CCDC192: variants seen among roughly 807,000 people sequenced by gnomAD.
CCDC192 encodes coiled-coil domain containing 192.
At chr5:127,939,356 A>C (rs1754301763) in intron 6 of CCDC192, among the ~76,000 whole-genome samples, 1 of 151,986 alleles carries the variant, frequency 6.6e-6, no homozygotes, top group African/African-American at 2.4e-5. Flanking sequence ...ACCTCAAGTA[A>C]TCCACCTGCT....
At chr5:127,826,800 A>G (rs1373847231) in intron 5 of CCDC192, among the ~76,000 whole-genome samples, 1 of 151,910 alleles carries the variant, frequency 6.6e-6, no homozygotes, top group Non-Finnish European at 1.5e-5. Flanking sequence ...TGAAAAAAAT[A>G]ATAATAAAAT....
At chr5:127,897,564 G>A (rs1752928760) in intron 6 of CCDC192, among the ~76,000 whole-genome samples, 3 of 152,114 alleles carry the variant, frequency 2.0e-5, no homozygotes, top group Admixed American at 6.5e-5. Context: ...ATAGGACCTC[G>A]GAGGATTTTT....
chr5:127,704,867 AAAT>A (rs1750872868), intron 1 of CCDC192, among the ~76,000 whole-genome samples: 2 of 151,116 alleles, frequency 1.3e-5, no homozygotes, highest in Non-Finnish European at 3.0e-5. Context: ...ATAAATAAAT[AAAT>A]AAATAAATAA....
chr5:127,879,672 T>G, intron 6 of CCDC192, among the ~76,000 whole-genome samples: 1 of 57,784 alleles, frequency 1.7e-5, no homozygotes, highest in Non-Finnish European at 3.5e-5. Context: ...GGGAGAAAAT[T>G]TTCGCAACCT....
rs1343949695 is a variant in CCDC192, at chr5:127,794,526, A to G, written c.223-2577A>G. Among the ~76,000 whole-genome samples the G allele has an allele frequency of 2.0e-5, 3 of 152,228 alleles. 1 individual carries two copies. Among genetic ancestry groups the G allele is most frequent in the Non-Finnish European group, 4.4e-5 (3 of 68,034 alleles). On this transcript the variant is annotated intron_variant, in intron 3 of 6. Coordinates refer to ENST00000514853, the MANE Select transcript of CCDC192 (RefSeq NM_001317938.2). ...AAGTGCCCAAGAAATGTTAACTATTATTAATATTATTTATTCACCTATATA... is the reference window on the plus strand; with the variant it reads ...AAGTGCCCAAGAAATGTTAACTATTGTTAATATTATTTATTCACCTATATA...
At chr5:127,887,895 G>C (rs1752615955) in intron 6 of CCDC192, among the ~76,000 whole-genome samples, 1 of 151,568 alleles carries the variant, frequency 6.6e-6, no homozygotes, top group Non-Finnish European at 1.5e-5. Flanking sequence ...AGTAGAGACA[G>C]GGTTTCACCA....
At chr5:127,747,595 G>C (rs1753852252) in intron 2 of CCDC192, among the ~76,000 whole-genome samples, 2 of 151,958 alleles carry the variant, frequency 1.3e-5, no homozygotes, top group Non-Finnish European at 2.9e-5. Flanking sequence ...ATAGCAGCAT[G>C]ATTTATAGTC....
intron 3 of CCDC192, among the ~76,000 whole-genome samples, chr5:127,778,609 A>G (rs1002039597): frequency 6.6e-6 from 1 of 152,232 alleles, no homozygotes; most frequent in Non-Finnish European, 1.5e-5. Flanking sequence ...TATTAGGGTA[A>G]CATATTAGGA....
intron 2 of CCDC192, among the ~76,000 whole-genome samples, chr5:127,749,898 C>G (rs988860544): frequency 6.6e-6 from 1 of 152,124 alleles, no homozygotes; most frequent in Non-Finnish European, 1.5e-5. Flanking sequence ...AGTTTATTTG[C>G]GTAGAGGTGT....
chr5:127,703,066 G>A (rs1292628994), upstream of CCDC192, among the ~76,000 whole-genome samples: 1 of 152,204 alleles, frequency 6.6e-6, no homozygotes, highest in African/African-American at 2.4e-5. Context: ...GTAAACCAAT[G>A]CATTTCTGGG....
At chr5:127,856,830 T>A (rs895582538) in intron 5 of CCDC192, among the ~76,000 whole-genome samples, 6 of 152,204 alleles carry the variant, frequency 3.9e-5, no homozygotes, top group African/African-American at 1.4e-4. Context: ...GTGTCTTATA[T>A]GGGTACAGTT....
chr5:127,736,605 T>G (rs1323464314), intron 2 of CCDC192, among the ~76,000 whole-genome samples: 7 of 151,840 alleles, frequency 4.6e-5, no homozygotes, highest in East Asian at 3.8e-4. Context: ...CACAATTTCA[T>G]AGCCTGTTAT....
At chr5:127,719,573 A>ATG in intron 2 of CCDC192, among the ~76,000 whole-genome samples, 1 of 126,126 alleles carries the variant, frequency 7.9e-6, no homozygotes, top group African/African-American at 3.1e-5. Flanking sequence ...ACATACATAT[A>ATG]TATATATACC....
chr5:127,702,232 A>G (rs1000226730), upstream of CCDC192, among the ~76,000 whole-genome samples: 2 of 151,928 alleles, frequency 1.3e-5, no homozygotes, highest in African/African-American at 4.8e-5. Flanking sequence ...AGCTGGGACT[A>G]CAGGCGCCCA....
At chr5:127,870,651 G>T (rs535527324) in intron 5 of CCDC192, among the ~76,000 whole-genome samples, 1 of 152,274 alleles carries the variant, frequency 6.6e-6, no homozygotes, top group South Asian at 2.1e-4. Context: ...GCGACTAAAC[G>T]ATTGTGAATC....
chr5:127,768,268 A>G (rs1339791339), intron 3 of CCDC192, among the ~76,000 whole-genome samples: 1 of 149,102 alleles, frequency 6.7e-6, no homozygotes, highest in Non-Finnish European at 1.5e-5. Flanking sequence ...TAAAAAAGTA[A>G]AAAAAAAATA....
chr5:127,724,847 C>A (rs76969216), intron 2 of CCDC192, among the ~76,000 whole-genome samples: 1,795 of 119,842 alleles, frequency 0.015, no homozygotes, highest in African/African-American at 0.019. Flanking sequence ...GACTCCGTCT[C>A]AAAAAAAAAA....
intron 6 of CCDC192, among the ~76,000 whole-genome samples, chr5:127,931,126 T>C (rs943118103): frequency 3.3e-5 from 5 of 152,160 alleles, no homozygotes; most frequent in African/African-American, 1.2e-4. Context: ...ACTGTTAAAC[T>C]TCTGTGGAAG....
At chr5:127,939,912 A>G (rs891104966) in intron 6 of CCDC192, among the ~76,000 whole-genome samples, 3 of 152,228 alleles carry the variant, frequency 2.0e-5, no homozygotes, top group African/African-American at 7.2e-5. Flanking sequence ...CATACATGCC[A>G]TAAGCTCCAT....
Sources: gnomAD v4.1 joint callset for allele counts (sites outside exome capture counted in the v4.1 genomes callset) on GRCh38, gnomAD v4.1.1 for gene constraint, MANE v1.5 for transcripts, NCBI Gene and HGNC (gene_info 2026-07-23, HGNC 2026-07-21) for gene names.